SCD5: variants seen among roughly 807,000 people sequenced by gnomAD.
SCD5 encodes the protein stearoyl-CoA desaturase 5.
SCD5 carries 20 observed loss-of-function variants against 30.4 expected under a neutral mutation model. The ratio of observed to expected loss-of-function variants is 0.66; its 90% CI spans 0.46 to 0.96. The LOEUF is 0.96. Ranked by LOEUF, SCD5 falls within the 40% of genes least tolerant of loss-of-function variation. The pLI is 0.00. For synonymous variants in SCD5, 173 were observed against 176.4 expected (o/e 0.98, Z 0.16); for missense variants, 381 against 443.3 (o/e 0.86, Z 1.26).
At chr4:82,634,841 A>T (rs1215027516) in intron 4 of SCD5, among the ~76,000 whole-genome samples, 1 of 152,220 alleles carries the variant, frequency 6.6e-6, no homozygotes, top group African/African-American at 2.4e-5. Flanking sequence ...CAGAAGATGC[A>T]GGGCAAGAGG....
chr4:82,750,665 C>G (rs1721082437), intron 1 of SCD5, among the ~76,000 whole-genome samples: 1 of 150,716 alleles, frequency 6.6e-6, no homozygotes, highest in Non-Finnish European at 1.5e-5. Flanking sequence ...GTCATGAAAC[C>G]AAAAGGCAGT....
intron 1 of SCD5, among the ~76,000 whole-genome samples, chr4:82,789,808 G>A (rs1578069547): frequency 6.6e-6 from 1 of 152,254 alleles, no homozygotes; most frequent in South Asian, 2.1e-4. Flanking sequence ...AAAGAATGAG[G>A]GGGAATGGGA....
intron 3 of SCD5, among the ~76,000 whole-genome samples, chr4:82,654,217 C>T (rs1727822338): frequency 6.6e-6 from 1 of 152,170 alleles, no homozygotes; most frequent in South Asian, 2.1e-4. Context: ...ATTATCTCAG[C>T]ACTAGGATCT....
intron 3 of SCD5, among the ~76,000 whole-genome samples, chr4:82,664,735 A>G (rs1486800093): frequency 6.6e-6 from 1 of 152,174 alleles, no homozygotes; most frequent in Non-Finnish European, 1.5e-5. Flanking sequence ...ATATGCCAAT[A>G]GAAATTATCC....
intron 3 of SCD5, among the ~76,000 whole-genome samples, chr4:82,673,842 T>C (rs1266533357): frequency 6.6e-6 from 1 of 152,084 alleles, no homozygotes; most frequent in African/African-American, 2.4e-5. Flanking sequence ...AGCCTAGAAA[T>C]AGACCCACAT....
chr4:82,699,006 G>A (rs546509339), intron 2 of SCD5, among the ~76,000 whole-genome samples: 4 of 152,332 alleles, frequency 2.6e-5, no homozygotes, highest in East Asian at 3.9e-4. Context: ...ACATGTGTTT[G>A]CTGAATGAAA....
intron 1 of SCD5, among the ~76,000 whole-genome samples, chr4:82,721,331 C>T (rs1221996872): frequency 6.6e-6 from 1 of 152,154 alleles, no homozygotes. Context: ...TTTCTAAGCA[C>T]AGTACTAGAT....
intron 2 of SCD5, among the ~76,000 whole-genome samples, chr4:82,695,561 T>A (rs542621373): frequency 6.6e-6 from 1 of 152,250 alleles, no homozygotes; most frequent in East Asian, 1.9e-4. Flanking sequence ...AGAAGAACAG[T>A]TTCGGTGAGA....
At chr4:82,744,032 C>G (rs1720935992) in intron 1 of SCD5, among the ~76,000 whole-genome samples, 1 of 152,146 alleles carries the variant, frequency 6.6e-6, no homozygotes, top group Non-Finnish European at 1.5e-5. Flanking sequence ...CTCCATGTTG[C>G]CCAGGCTGGT....
intron 2 of SCD5, among the ~76,000 whole-genome samples, chr4:82,692,914 G>A (rs1021147067): frequency 1.3e-5 from 2 of 152,180 alleles, no homozygotes; most frequent in Non-Finnish European, 2.9e-5. Flanking sequence ...GCTGAAGCTG[G>A]GGATAAGTAG....
chr4:82,790,773 C>T (rs1722083640), intron 1 of SCD5, among the ~76,000 whole-genome samples: 3 of 151,906 alleles, frequency 2.0e-5, no homozygotes, highest in Non-Finnish European at 4.4e-5. Context: ...GCCCGCTGTG[C>T]ATTAGAAACA....
chr4:82,677,598 G>A (rs1043822775), intron 3 of SCD5, among the ~76,000 whole-genome samples: 1 of 152,200 alleles, frequency 6.6e-6, no homozygotes. Context: ...GTGTATGTTG[G>A]AAACTTGCTT....
chr4:82,695,266 T>C (rs766050308), intron 2 of SCD5, among the ~76,000 whole-genome samples: 4 of 152,206 alleles, frequency 2.6e-5, no homozygotes, highest in Non-Finnish European at 2.9e-5. Flanking sequence ...TTTATTTATT[T>C]ATTTAGCTGG....
chr4:82,736,608 C>CA (rs36051224), intron 1 of SCD5, among the ~76,000 whole-genome samples: 14,612 of 148,844 alleles, frequency 0.098, 900 homozygotes, highest in Non-Finnish European at 0.15. Flanking sequence ...GACTTTGCCT[C>CA]AAAAAAAAAA....
At position 82,650,155 on chromosome 4, in the gene SCD5, A is replaced by G. The variant is rs115105178; in HGVS notation, c.570-13332T>C. 6.9e-3 allele frequency among the ~76,000 whole-genome samples: 1,054 copies of G among 152,240 alleles called. 15 individuals are homozygous for G. Among genetic ancestry groups the G allele is most frequent in the African/African-American group, 0.023 (973 of 41,550 alleles). On this transcript the variant is annotated intron_variant, in intron 3 of 4. Transcript: ENST00000319540. The stretch of plus-strand genomic sequence containing the variant: ...CTCCTTAGTCCTCAATTATTTTTTG[A>G]TGGGAGTGGGAGGGGTTGTTAGGTA...
Position 82,631,175 on chromosome 4 carries a change from T to C in SCD5, c.*152A>G. ...ATTGATAATTGTATTTCAACATTAT[T>C]TTGAGATAAACAAAAACATTCCCAA... On this transcript the variant is annotated 3_prime_UTR_variant, in exon 5 of 5. Coordinates refer to ENST00000319540, the MANE Select transcript of SCD5 (RefSeq NM_001037582.3). The C allele has an allele frequency of 3.5e-6, 2 of 575,554 alleles. No homozygotes were observed. Among genetic ancestry groups the C allele is most frequent in the Non-Finnish European group, 5.7e-6 (2 of 351,424 alleles). 35.7% of individuals were successfully genotyped at this position (575,554 alleles called of 1,614,324 possible).
chr4:82,725,937 G>A (rs1472750972), intron 1 of SCD5, among the ~76,000 whole-genome samples: 3 of 152,184 alleles, frequency 2.0e-5, no homozygotes, highest in Non-Finnish European at 4.4e-5. Flanking sequence ...CCCATAGGAA[G>A]CAGGATTTCA....
At chr4:82,747,035 T>A (rs904696116) in intron 1 of SCD5, among the ~76,000 whole-genome samples, 2 of 133,530 alleles carry the variant, frequency 1.5e-5, no homozygotes, top group African/African-American at 5.9e-5. Flanking sequence ...GGGAGTTCGG[T>A]TGGGGGGCAG....
At chr4:82,690,884 C>G (rs1190197223) in intron 2 of SCD5, among the ~76,000 whole-genome samples, 1 of 152,036 alleles carries the variant, frequency 6.6e-6, no homozygotes, top group Non-Finnish European at 1.5e-5. Context: ...ATCGAGGAGA[C>G]AAATACTAAA....
Sources: allele counts gnomAD v4.1 joint callset (sites outside exome capture counted in the v4.1 genomes callset), GRCh38; gene constraint gnomAD v4.1.1; transcripts MANE v1.5; gene names NCBI Gene and HGNC (gene_info 2026-07-23, HGNC 2026-07-21).